The following EZH1 variants were observed in gnomAD, a reference collection of about 807,000 sequenced individuals.
EZH1 encodes the protein enhancer of zeste 1 polycomb repressive complex 2 subunit, also known as histone-lysine N-methyltransferase EZH1.
EZH1 carries 33 observed loss-of-function variants against 100.5 expected under a neutral mutation model. That is an observed-to-expected ratio of 0.33 (90% CI 0.25 to 0.44). EZH1 has a LOEUF of 0.44. Ranked by LOEUF, EZH1 falls within the 20% of genes least tolerant of loss-of-function variation. The pLI is 1.00. For missense variants in EZH1, 475 were observed against 928.4 expected (o/e 0.51, Z 6.35); for synonymous variants, 272 against 313.8 (o/e 0.87, Z 1.41).
chr17:42,713,073 T>C (rs1248275833), intron 11 of EZH1, 136 bp downstream of exon 11: 28 of 472,276 alleles, frequency 5.9e-5, no homozygotes, highest in Non-Finnish European at 3.7e-6. Flanking sequence ...ATATTCCCCA[T>C]CTTTACTGTT....
chr17:42,703,076 T>A, intron 19 of EZH1, 115 bp from the exon 20 acceptor site: 1 of 987,998 alleles, frequency 1.0e-6, no homozygotes, highest in Non-Finnish European at 1.6e-6. Context: ...CAAATGGAAT[T>A]AGAAAGTAGT....
rs964973961 is a variant in EZH1 at position 42,728,748 on chromosome 17, A to G, written c.117+77T>C. 4.6e-6 allele frequency: 7 copies of G among 1,507,818 alleles called. No homozygotes were observed. The African/African-American group carries it at 1.0e-4, about 22-fold the overall frequency. 93.4% of individuals were successfully genotyped at this position (1,507,818 alleles called of 1,614,324 possible). A position where few individuals can be genotyped will look rare whatever the true frequency, so the allele number is the denominator to read the frequency against. On this transcript the variant is annotated intron_variant, in intron 3 of 20. Coordinates refer to ENST00000428826, the MANE Select transcript of EZH1 (RefSeq NM_001991.5). ...CAGAGTGAGACTCTGTCTCAAAAAA[A>G]AAAAAAAATTCCAACCCCTTTACAC...
At chr17:42,710,875 G>C (rs1265685261) in intron 12 of EZH1, among the ~76,000 whole-genome samples, 1 of 145,560 alleles carries the variant, frequency 6.9e-6, no homozygotes, top group African/African-American at 2.6e-5. Flanking sequence ...CTCCCACCAT[G>C]GCTTCCCAAA....
Position 42,720,526 on chromosome 17 carries a change from C to T in EZH1, c.488-77G>A, listed in dbSNP as rs911530203. ...GTCCTCCTAGGCAGGTTTTCTTGTA[C>T]TCACTCCAGAGGCCCAGATATGTCA... On this transcript the variant is annotated intron_variant, in intron 6 of 20. Coordinates refer to ENST00000428826, the MANE Select transcript of EZH1 (RefSeq NM_001991.5). The T allele has an allele frequency of 1.1e-5, 15 of 1,377,178 alleles. No homozygotes were observed. In the Admixed American group the frequency reaches 1.5e-4, roughly 14 times the overall value. The allele number at this position is 1,377,178 out of a possible 1,614,324, so 85.3% of individuals were successfully genotyped here.
At chr17:42,708,641 C>T (rs779277538) in intron 14 of EZH1, among the ~76,000 whole-genome samples, 3 of 152,070 alleles carry the variant, frequency 2.0e-5, no homozygotes, top group East Asian at 1.9e-4. Flanking sequence ...GGTGACAGAG[C>T]GAGGCTCCAT....
rs573109277 is a variant in EZH1 at position 42,722,702 on chromosome 17, G to A, written c.487+93C>T. On this transcript the variant is annotated intron_variant, in intron 6 of 20. Coordinates refer to ENST00000428826, the MANE Select transcript of EZH1 (RefSeq NM_001991.5). ...TATTCTGCAGTGTGTACCCCATGGG[G>A]CAGAAGATAAAAGCAAGATGGCAAG... is the stretch of plus-strand genomic sequence containing the variant. 465 of 1,282,520 alleles carry A rather than the reference G, an allele frequency of 3.6e-4. 2 individuals are homozygous for A. In the African/African-American group the frequency reaches 6.1e-3, roughly 17 times the overall value. 79.4% of individuals were successfully genotyped at this position (1,282,520 alleles called of 1,614,324 possible).
At chr17:42,743,461 G>A (rs1033382344) in intron 1 of EZH1, among the ~76,000 whole-genome samples, 2 of 150,704 alleles carry the variant, frequency 1.3e-5, no homozygotes, top group African/African-American at 2.4e-5. Context: ...ATGAGCCACC[G>A]TGCCAGGCTT....
Position 42,718,046 on chromosome 17 carries a change from A to C in EZH1, c.953T>G (p.Val318Gly). Residue 318 changes from valine (V) to glycine (G), a missense_variant, in exon 10 of 21, where the codon GTA (valine) becomes GGA (glycine). This residue lies in a region of EZH1 where 180 missense variants were observed against 295.3 expected (regional missense o/e 0.61). Transcript: ENST00000428826. This position sits in a 1 kb window ranked among gnomAD's most constrained non-coding sequence, Gnocchi z 4.2. ...GATTTCTTTATTCTTGCGTTTATATACATTAGGGGTGGCATGAAAAGCTGG... is the reference window on the plus strand; with the variant it reads ...GATTTCTTTATTCTTGCGTTTATATCCATTAGGGGTGGCATGAAAAGCTGG... ...FLHPFHATPN[V>G]YKRKNKEIKI... 1 of 1,614,158 alleles carries C rather than the reference A, an allele frequency of 6.2e-7. No homozygotes were observed. Among genetic ancestry groups the C allele is most frequent in the Non-Finnish European group, 8.5e-7 (1 of 1,180,014 alleles).
At chr17:42,736,215 A>T (rs995234577) in intron 1 of EZH1, among the ~76,000 whole-genome samples, 2 of 152,222 alleles carry the variant, frequency 1.3e-5, no homozygotes, top group African/African-American at 4.8e-5. Flanking sequence ...TGCTGGTAGG[A>T]ATGCAAAGTG....
At chr17:42,715,050 ATATG>A (rs1376963540) in intron 10 of EZH1, among the ~76,000 whole-genome samples, 1 of 139,658 alleles carries the variant, frequency 7.2e-6, no homozygotes, top group African/African-American at 2.6e-5. Flanking sequence ...TATATATTAT[ATATG>A]TATTTATATA....
chr17:42,710,049 G>T, intron 12 of EZH1, 112 bp from the exon 13 acceptor site: 1 of 833,810 alleles, frequency 1.2e-6, no homozygotes, highest in Non-Finnish European at 2.0e-6. Context: ...AGCTGACCAA[G>T]CCTCTCATCA....
At chr17:42,717,810 G>T (rs2053634834) in intron 10 of EZH1, among the ~76,000 whole-genome samples, 166 bp downstream of exon 10, 1 of 152,158 alleles carries the variant, frequency 6.6e-6, no homozygotes, top group African/African-American at 2.4e-5. Context: ...GTGCTACCAT[G>T]TCTGGGGAGT....
chr17:42,713,097 G>A, intron 11 of EZH1, 112 bp downstream of exon 11: 35 of 706,616 alleles, frequency 5.0e-5, no homozygotes, highest in South Asian at 1.3e-4. Context: ...AAAACTTGTA[G>A]AAAGAATTTA....
At chr17:42,729,745 G>GAAA (rs58272031) in intron 2 of EZH1, among the ~76,000 whole-genome samples, 1 of 131,536 alleles carries the variant, frequency 7.6e-6, no homozygotes, top group African/African-American at 2.7e-5. Flanking sequence ...TCTCAAAAAA[G>GAAA]AAAAAAAAAA....
chr17:42,724,288 G>A lies in EZH1; in HGVS notation c.366+17C>T. 1 of 1,613,094 alleles carries A rather than the reference G, an allele frequency of 6.2e-7. No homozygotes were observed. Among genetic ancestry groups the A allele is most frequent in the Non-Finnish European group, 8.5e-7 (1 of 1,179,394 alleles). ...TCATACAGTTTAAATAACCACCACAGTGCTTTCAATACATACCATAAAGTT... is the reference window on the plus strand; with the variant it reads ...TCATACAGTTTAAATAACCACCACAATGCTTTCAATACATACCATAAAGTT... On this transcript the variant is annotated intron_variant, in intron 5 of 20. Coordinates refer to ENST00000428826, the MANE Select transcript of EZH1 (RefSeq NM_001991.5).
chr17:42,708,475 T>C (rs2143730014), intron 14 of EZH1, among the ~76,000 whole-genome samples: 1 of 152,134 alleles, frequency 6.6e-6, no homozygotes, highest in East Asian at 1.9e-4. Flanking sequence ...GCCAACATGG[T>C]GAAACCCCGT....
Position 42,718,339 on chromosome 17 carries a change from T to C in EZH1, c.931+115A>G. 1 of 1,387,174 alleles carries C rather than the reference T, an allele frequency of 7.2e-7. No homozygotes were observed. Among genetic ancestry groups the C allele is most frequent in the Admixed American group, 2.4e-5 (1 of 42,022 alleles). 85.9% of individuals were successfully genotyped at this position (1,387,174 alleles called of 1,614,324 possible). On this transcript the variant is annotated intron_variant, in intron 9 of 20. Transcript: ENST00000428826. The surrounding 1 kb of genome is among the most constrained non-coding windows in gnomAD (Gnocchi z 4.2). ...AAGGGAAAATAGAACTGGCCCTTTGTAAAACGTTAGAACAGAAGCCAGGAA... is the reference window on the plus strand; with the variant it reads ...AAGGGAAAATAGAACTGGCCCTTTGCAAAACGTTAGAACAGAAGCCAGGAA...
chr17:42,717,619 T>G (rs529966048), intron 10 of EZH1, among the ~76,000 whole-genome samples: 1 of 152,218 alleles, frequency 6.6e-6, no homozygotes, highest in African/African-American at 2.4e-5. Flanking sequence ...ATTCGTCTCA[T>G]AGTTATATGC....
At chr17:42,715,971 C>T (rs1340561396) in intron 10 of EZH1, among the ~76,000 whole-genome samples, 4 of 150,444 alleles carry the variant, frequency 2.7e-5, no homozygotes, top group Non-Finnish European at 1.5e-5. Flanking sequence ...CGTTTGAACC[C>T]GGGAGGTGGA....
Sources: gnomAD v4.1 joint callset for allele counts (sites outside exome capture counted in the v4.1 genomes callset) on GRCh38, gnomAD v4.1.1 for gene constraint, gnomAD v4.1.1 regional missense constraint, Gnocchi (gnomAD v3.1) non-coding constraint, MANE v1.5 for transcripts, NCBI Gene and HGNC (gene_info 2026-07-23, HGNC 2026-07-21) for gene names.